OPTN: variants seen among roughly 807,000 people sequenced by gnomAD.
OPTN encodes the protein optineurin.
In OPTN, 54 loss-of-function variants were observed where a neutral mutation model predicts 70.4. That is an observed-to-expected ratio of 0.77 (90% CI 0.62 to 0.96). The LOEUF is 0.96. Among genes scored for constraint, OPTN ranks in the 40% least tolerant of loss-of-function variants. The pLI, the probability that OPTN is intolerant of heterozygous loss-of-function variation, is 0.00. For synonymous variants in OPTN, 256 were observed against 248.5 expected (o/e 1.03, Z -0.28); for missense variants, 624 against 673.2 (o/e 0.93, Z 0.81).
intron 1 of OPTN, among the ~76,000 whole-genome samples, chr10:13,100,583 T>C (rs1460349077): frequency 6.6e-6 from 1 of 152,166 alleles, no homozygotes; most frequent in Non-Finnish European, 1.5e-5. Flanking sequence ...AGGTAACCCC[T>C]CTACAAGTCA....
chr10:13,136,726 T>G lies in OPTN; in HGVS notation c.1613-19T>G, dbSNP rs781654081. The G allele has an allele frequency of 1.2e-6, 2 of 1,613,874 alleles. No homozygotes were observed. The highest frequency in any genetic ancestry group is 1.7e-6 in the Non-Finnish European group (2 of 1,179,832). ...TGCCTGCAAAATGGAACTAATGGAA[T>G]TATCATACTTATTCCCAGGAGCTGA... On this transcript the variant is annotated intron_variant, in intron 14 of 14. Transcript: ENST00000378747.
At position 13,118,994 on chromosome 10, in the gene OPTN, C is replaced by G; in HGVS notation, c.733C>G (p.Gln245Glu). 6.2e-7 allele frequency: 1 copy of G among 1,614,030 alleles called. No homozygotes were observed. Among genetic ancestry groups the G allele is most frequent in the South Asian group, 1.1e-5 (1 of 91,062 alleles). The change falls in exon 7 of 15, where the codon CAG becomes GAG. Residue 245 changes from glutamine (Q) to glutamate (E), a missense_variant. By Grantham distance (29) the Gln-to-Glu change is conservative (BLOSUM62 2). Coordinates refer to ENST00000378747, the MANE Select transcript of OPTN (RefSeq NM_001008212.2). ...CCTGCTGTGCCTAAGGGAAGGGAAT[C>G]AGAAGGTGGAGAGACTTGAAGTTGC... Reference protein sequence around the residue: ...QLLLCLREGNQKVERLEVALK... With the variant: ...QLLLCLREGNEKVERLEVALK...
intron 12 of OPTN, 94 bp downstream of exon 12, chr10:13,127,997 C>G: frequency 7.0e-7 from 1 of 1,438,770 alleles, no homozygotes; most frequent in Non-Finnish European, 9.7e-7. Context: ...TTGTAATTTT[C>G]TATTTTATAT....
intron 11 of OPTN, among the ~76,000 whole-genome samples, chr10:13,126,429 C>T (rs113861118): frequency 0.22 from 32,601 of 150,658 alleles, 3,667 homozygotes; most frequent in Middle Eastern, 0.39. Flanking sequence ...TACAGGCGCC[C>T]GCCACCGCGC....
chr10:13,133,421 C>A, intron 13 of OPTN, 81 bp from the exon 14 acceptor site: 1 of 1,240,444 alleles, frequency 8.1e-7, no homozygotes, highest in Non-Finnish European at 1.2e-6. Flanking sequence ...TTTTCCCCTA[C>A]TTCTGTGGAC....
chr10:13,112,470 C>T lies in OPTN; in HGVS notation c.387C>T (p.Ser129=), dbSNP rs1203102215. The part of the protein sequence containing the change: ...ERSSEDPTDD[S]RLPRAEAEQE... ...ATCTCCAGGACCCCACTGATGACTCCAGGCTTCCCAGGGCCGAAGCGGAGC... is the reference window on the plus strand; with the variant it reads ...ATCTCCAGGACCCCACTGATGACTCTAGGCTTCCCAGGGCCGAAGCGGAGC... The change falls in exon 5 of 15, where the codon TCC becomes TCT. Residue 129 remains serine, a synonymous_variant. Coordinates refer to ENST00000378747, the MANE Select transcript of OPTN (RefSeq NM_001008212.2). The T allele has an allele frequency of 6.2e-7, 1 of 1,613,866 alleles. No individual in the cohort carries two copies. Among genetic ancestry groups the T allele is most frequent in the Non-Finnish European group, 8.5e-7 (1 of 1,180,006 alleles).
chr10:13,107,675 C>T (rs760649982), intron 1 of OPTN, among the ~76,000 whole-genome samples: 2 of 152,028 alleles, frequency 1.3e-5, no homozygotes, highest in Non-Finnish European at 2.9e-5. Flanking sequence ...GCCACCGCGC[C>T]CGGCTCAAAA....
intron 6 of OPTN, among the ~76,000 whole-genome samples, chr10:13,117,381 G>A (rs1214297451): frequency 7.2e-6 from 1 of 139,106 alleles, no homozygotes; most frequent in African/African-American, 2.7e-5. Flanking sequence ...CGCCCGGCCA[G>A]GATCTCTTAT....
At position 13,110,462 on chromosome 10, in the gene OPTN, G is replaced by A. The variant is rs756712179; in HGVS notation, c.355G>A (p.Glu119Lys). Residue 119 changes from glutamate (E) to lysine (K), a missense_variant, in exon 4 of 15, where the codon GAA (glutamate) becomes AAA (lysine). By Grantham distance (56) the Glu-to-Lys change is moderately conservative. Coordinates refer to ENST00000378747, the MANE Select transcript of OPTN (RefSeq NM_001008212.2). Reference sequence around the variant, plus strand: ...GCTTGGAAAACTAAAAGGGAAATCAGAAAGGTCATCTGAGGTGAGCAGACC... The same window carrying A: ...GCTTGGAAAACTAAAAGGGAAATCAAAAAGGTCATCTGAGGTGAGCAGACC... ...EELGKLKGKSERSSEDPTDDS... is the reference protein window; with the variant it reads ...EELGKLKGKSKRSSEDPTDDS... 6.2e-7 allele frequency: 1 copy of A among 1,613,412 alleles called. No homozygotes were observed. The highest frequency in any genetic ancestry group is 1.1e-5 in the South Asian group (1 of 91,020).
At chr10:13,126,533 G>A (rs1253440301) in intron 11 of OPTN, among the ~76,000 whole-genome samples, 1 of 152,058 alleles carries the variant, frequency 6.6e-6, no homozygotes, top group Non-Finnish European at 1.5e-5. Flanking sequence ...ACCCGCCTCG[G>A]CCTCCCAAAG....
chr10:13,119,187 A>G (rs1446524677), intron 7 of OPTN, 147 bp downstream of exon 7: 1 of 787,590 alleles, frequency 1.3e-6, no homozygotes, highest in Non-Finnish European at 2.1e-6. Context: ...TGTTACTACA[A>G]TATAATTTTA....
chr10:13,117,638 G>C (rs1204283305), intron 6 of OPTN, among the ~76,000 whole-genome samples: 1 of 151,356 alleles, frequency 6.6e-6, no homozygotes. Flanking sequence ...ATAGAGACAG[G>C]GTTTCACTGT....
rs1020615905 is a variant in OPTN, at chr10:13,120,196, G to A, written c.779+1156G>A. Among the ~76,000 whole-genome samples the A allele has an allele frequency of 1.8e-4, 27 of 151,524 alleles. 1 individual carries two copies. Among genetic ancestry groups the A allele is most frequent in the South Asian group, 4.2e-4 (2 of 4,798 alleles). Reference sequence around the variant, plus strand: ...GTAGAGACGGGGTTTCACCATGTTAGCCAGGATGGTCTCGATCTCCTGACC... The same window carrying A: ...GTAGAGACGGGGTTTCACCATGTTAACCAGGATGGTCTCGATCTCCTGACC... On this transcript the variant is annotated intron_variant, in intron 7 of 14. Coordinates refer to ENST00000378747, the MANE Select transcript of OPTN (RefSeq NM_001008212.2).
chr10:13,110,544 G>A (rs1322352854), intron 4 of OPTN, 68 bp downstream of exon 4: 10 of 1,427,148 alleles, frequency 7.0e-6, no homozygotes, highest in African/African-American at 1.4e-5. Flanking sequence ...GGAATCTTAC[G>A]TGTCTAGACT....
chr10:13,107,544 A>G (rs1430003005), intron 1 of OPTN, among the ~76,000 whole-genome samples: 2 of 150,676 alleles, frequency 1.3e-5, no homozygotes, highest in African/African-American at 2.4e-5. Flanking sequence ...ATGCTTGGCT[A>G]ATTTTTTGTA....
chr10:13,125,711 G>A (rs1413493361), intron 10 of OPTN, 144 bp downstream of exon 10: 2 of 950,188 alleles, frequency 2.1e-6, no homozygotes, highest in Admixed American at 2.6e-5. Flanking sequence ...ACCTCTCAGA[G>A]AGGGGGATAA....
At chr10:13,106,626 T>A (rs764693922) in intron 1 of OPTN, among the ~76,000 whole-genome samples, 18 of 152,204 alleles carry the variant, frequency 1.2e-4, no homozygotes, top group Non-Finnish European at 1.8e-4. Context: ...GGTAGCTCTG[T>A]CTCTGATTAC....
Position 13,109,269 on chromosome 10 carries a change from C to A in OPTN, c.147C>A (p.Thr49=). ...TGCAGCAGATGAAAGAGCTCCTGAC[C>A]GAGAACCACCAGCTGAAAGGTGAGC... The part of the protein sequence containing the change: ...ELLQQMKELL[T]ENHQLKEAMK... The change falls in exon 3 of 15, where the codon ACC becomes ACA. Residue 49 remains threonine, a synonymous_variant. Transcript: ENST00000378747. 6.2e-7 allele frequency: 1 copy of A among 1,613,924 alleles called. No individual in the cohort carries two copies. The highest frequency in any genetic ancestry group is 8.5e-7 in the Non-Finnish European group (1 of 1,179,950).
chr10:13,123,847 C>T (rs1476806751), intron 8 of OPTN, 148 bp from the exon 9 acceptor site: 1 of 664,716 alleles, frequency 1.5e-6, no homozygotes, highest in African/African-American at 1.8e-5. Flanking sequence ...TCTTTTCCTA[C>T]ACAATGTTTG....
Sources: gnomAD v4.1 joint callset for allele counts (sites outside exome capture counted in the v4.1 genomes callset) on GRCh38, gnomAD v4.1.1 for gene constraint, MANE v1.5 for transcripts, NCBI Gene and HGNC (gene_info 2026-07-23, HGNC 2026-07-21) for gene names.